PRKD1: variants seen among roughly 807,000 people sequenced by gnomAD.
PRKD1 encodes protein kinase D1, also known as serine/threonine-protein kinase D1.
PRKD1 carries 63 observed loss-of-function variants against 95.9 expected under a neutral mutation model. The ratio of observed to expected loss-of-function variants is 0.66; its 90% CI spans 0.54 to 0.81. The LOEUF is 0.81. PRKD1 is among the 30% of genes least tolerant of loss of function. The pLI, the probability that PRKD1 is intolerant of heterozygous loss-of-function variation, is 0.00. For synonymous variants in PRKD1, 425 were observed against 423.1 expected (o/e 1.00, Z -0.05); for missense variants, 1,048 against 1,165.3 (o/e 0.90, Z 1.47).
intron 2 of PRKD1, among the ~76,000 whole-genome samples, chr14:29,685,359 T>C (rs1268608304): frequency 6.6e-6 from 1 of 152,218 alleles, no homozygotes; most frequent in African/African-American, 2.4e-5. Flanking sequence ...TTTAAAAGCG[T>C]GTTCCTTTCA....
At chr14:29,858,627 G>T (rs1892594682) in intron 1 of PRKD1, among the ~76,000 whole-genome samples, 1 of 151,870 alleles carries the variant, frequency 6.6e-6, no homozygotes, top group Non-Finnish European at 1.5e-5. Flanking sequence ...TTTCCCCTGG[G>T]ATTTTTTTTT....
At chr14:29,870,838 AATTACAGACTTTAGCTCT>A (rs1436455472) in intron 1 of PRKD1, among the ~76,000 whole-genome samples, 3 of 152,204 alleles carry the variant, frequency 2.0e-5, no homozygotes, top group Non-Finnish European at 4.4e-5. Flanking sequence ...TCTAAAATAT[AATTACAGACTTTAGCTCT>A]ATTACATACA....
chr14:29,770,011 A>C (rs1374704825), intron 1 of PRKD1, among the ~76,000 whole-genome samples: 2 of 152,168 alleles, frequency 1.3e-5, no homozygotes, highest in Non-Finnish European at 2.9e-5. Flanking sequence ...GAATGGGATT[A>C]GTGCCCTTAT....
intron 2 of PRKD1, among the ~76,000 whole-genome samples, chr14:29,722,610 A>G (rs576854583): frequency 6.6e-6 from 1 of 152,334 alleles, no homozygotes; most frequent in African/African-American, 2.4e-5. Context: ...TTTATTGAGA[A>G]CCTCATATCT....
intron 4 of PRKD1, among the ~76,000 whole-genome samples, chr14:29,661,153 G>A (rs45590331): frequency 1.8e-4 from 27 of 152,222 alleles, no homozygotes; most frequent in East Asian, 1.2e-3. Context: ...TACCAATGTC[G>A]TAATCTGTAT....
intron 1 of PRKD1, among the ~76,000 whole-genome samples, chr14:29,824,631 AAAAC>A (rs1479821372): frequency 1.3e-5 from 2 of 152,160 alleles, no homozygotes; most frequent in African/African-American, 2.4e-5. Context: ...TGGTACTTGA[AAAAC>A]AAACAATTTG....
At chr14:29,927,122 A>T in intron 1 of PRKD1, 127 bp downstream of exon 1, 1 of 1,060,908 alleles carries the variant, frequency 9.4e-7, no homozygotes, top group Non-Finnish European at 1.2e-6. Context: ...AGCCGCTTCC[A>T]GAGCGCCGGC....
intron 1 of PRKD1, among the ~76,000 whole-genome samples, chr14:29,758,672 T>C (rs1566583630): frequency 6.6e-6 from 1 of 152,218 alleles, no homozygotes; most frequent in Non-Finnish European, 1.5e-5. Flanking sequence ...TTATACTTAG[T>C]CTATACTTCA....
At chr14:29,642,904 G>A (rs1415485931) in intron 4 of PRKD1, among the ~76,000 whole-genome samples, 1 of 134,340 alleles carries the variant, frequency 7.4e-6, no homozygotes, top group African/African-American at 2.6e-5. Context: ...TGAAAAATCT[G>A]CAGAATGATT....
rs191224422 is a variant in PRKD1, at chr14:29,920,219, A to G, written c.264+7030T>C. On this transcript the variant is annotated intron_variant, in intron 1 of 17. Coordinates refer to ENST00000331968, the MANE Select transcript of PRKD1 (RefSeq NM_002742.3). ...TCCAACATATTCCAACAATAAGGAAAGATTTAAGAAATTGAAGTCTCATTT... is the reference window on the plus strand; with the variant it reads ...TCCAACATATTCCAACAATAAGGAAGGATTTAAGAAATTGAAGTCTCATTT... Among the ~76,000 whole-genome samples, 8 of 152,316 alleles carry G rather than the reference A, an allele frequency of 5.3e-5. No individual in the cohort carries two copies. The East Asian group carries it at 1.5e-3, about 29-fold the overall frequency.
chr14:29,598,606 C>T (rs1893400828), intron 15 of PRKD1, among the ~76,000 whole-genome samples: 4 of 152,186 alleles, frequency 2.6e-5, no homozygotes. Flanking sequence ...AGGACAGTCA[C>T]ATCAGTCAAG....
At chr14:29,681,789 C>A (rs1383949978) in intron 2 of PRKD1, among the ~76,000 whole-genome samples, 1 of 152,114 alleles carries the variant, frequency 6.6e-6, no homozygotes, top group Non-Finnish European at 1.5e-5. Context: ...GTGTAAAAAC[C>A]AAGCTCACTC....
intron 4 of PRKD1, among the ~76,000 whole-genome samples, chr14:29,656,251 C>A (rs1176512178): frequency 6.6e-6 from 1 of 152,182 alleles, no homozygotes; most frequent in Non-Finnish European, 1.5e-5. Context: ...CTAATGACTT[C>A]ATTGCTTTTT....
rs754351095 is a variant in PRKD1, at chr14:29,638,707, G to A, written c.894C>T (p.Gly298=). 1.9e-6 allele frequency: 3 copies of A among 1,614,114 alleles called. No homozygotes were observed. Among genetic ancestry groups the A allele is most frequent in the Non-Finnish European group, 2.5e-6 (3 of 1,180,004 alleles). The change falls in exon 5 of 18, where the codon GGC becomes GGT. Residue 298 remains glycine (G), a synonymous_variant. Coordinates refer to ENST00000331968, the MANE Select transcript of PRKD1 (RefSeq NM_002742.3). The part of the protein sequence containing the change: ...KKLLKGLFRQ[G]LQCKDCRFNC... Reference sequence around the variant, plus strand: ...AATCATCCTTACCTTTGCACTGCAAGCCCTGCCTGAAAAGCCCCTTCAGAA... The same window carrying A: ...AATCATCCTTACCTTTGCACTGCAAACCCTGCCTGAAAAGCCCCTTCAGAA...
intron 1 of PRKD1, among the ~76,000 whole-genome samples, chr14:29,774,178 A>T (rs1888633785): frequency 6.6e-6 from 1 of 152,226 alleles, no homozygotes; most frequent in African/African-American, 2.4e-5. Flanking sequence ...GGCAATGACA[A>T]AAGACAGGAA....
chr14:29,826,859 A>ATG (rs1555348623), intron 1 of PRKD1, among the ~76,000 whole-genome samples: 2 of 99,416 alleles, frequency 2.0e-5, no homozygotes, highest in Admixed American at 1.3e-4. Context: ...ATATATATAT[A>ATG]TATATATATA....
At chr14:29,672,186 C>CA (rs58563773) in intron 2 of PRKD1, among the ~76,000 whole-genome samples, 3,871 of 151,350 alleles carry the variant, frequency 0.026, 139 homozygotes, top group African/African-American at 0.078. Flanking sequence ...ACTAAAAATA[C>CA]AAAAATTGGC....
intron 16 of PRKD1, among the ~76,000 whole-genome samples, chr14:29,585,948 T>A (rs1371244784): frequency 6.6e-6 from 1 of 152,248 alleles, no homozygotes; most frequent in Non-Finnish European, 1.5e-5. Context: ...ATGACTGTGC[T>A]AAGTAGTGCT....
At chr14:29,641,294 G>C (rs1880745099) in intron 4 of PRKD1, among the ~76,000 whole-genome samples, 1 of 152,144 alleles carries the variant, frequency 6.6e-6, no homozygotes, top group Non-Finnish European at 1.5e-5. Context: ...TACCATTCAT[G>C]CCATTTTAAA....
Sources: gnomAD v4.1 joint callset for allele counts (sites outside exome capture counted in the v4.1 genomes callset) on GRCh38, gnomAD v4.1.1 for gene constraint, MANE v1.5 for transcripts, NCBI Gene and HGNC (gene_info 2026-07-23, HGNC 2026-07-21) for gene names.